The following KIRREL1 variants were observed in gnomAD, a reference collection of about 807,000 sequenced individuals.
The protein encoded by KIRREL1 is kin of IRRE-like protein 1.
Under a neutral mutation model 83.3 loss-of-function variants are expected in KIRREL1, and 25 were observed. That is an observed-to-expected ratio of 0.30 (90% CI 0.22 to 0.42). The LOEUF (loss-of-function observed/expected upper bound fraction) is 0.42. Ranked by LOEUF, KIRREL1 falls within the 10% of genes least tolerant of loss-of-function variation. The pLI is 1.00. For synonymous variants in KIRREL1, 388 were observed against 410.4 expected (o/e 0.95, Z 0.66); for missense variants, 812 against 1,032.3 (o/e 0.79, Z 2.92).
intron 1 of KIRREL1, among the ~76,000 whole-genome samples, chr1:158,050,567 GC>G (rs1387522948): frequency 6.6e-6 from 1 of 152,128 alleles, no homozygotes; most frequent in African/African-American, 2.4e-5. Context: ...GCCCATTAAA[GC>G]CAGAAGCCAC....
At chr1:158,079,032 G>A (rs1239970784) in intron 3 of KIRREL1, among the ~76,000 whole-genome samples, 1 of 151,918 alleles carries the variant, frequency 6.6e-6, no homozygotes, top group Admixed American at 6.6e-5. Flanking sequence ...CAGTCTTCCT[G>A]TTCTCTCCAG....
At chr1:158,089,217 A>G (rs1436998353) in intron 8 of KIRREL1, among the ~76,000 whole-genome samples, 2 of 152,216 alleles carry the variant, frequency 1.3e-5, no homozygotes, top group Non-Finnish European at 2.9e-5. Flanking sequence ...ACACTAGAAC[A>G]GATCATCAGA....
rs762450396 is a variant in KIRREL1 at position 158,095,117 on chromosome 1, G to A, written c.2271G>A (p.Val757=). ...QRFQQRMQTH[V] ...TCCAGCAGCGCATGCAGACTCACGT[G>A]TAGGGGCCAGAGCCTGGCTGGGGCA... is the stretch of plus-strand genomic sequence containing the variant. Residue 757 remains valine (V), a synonymous_variant, in exon 15 of 15, where the codon GTG becomes GTA. Coordinates refer to ENST00000359209, the MANE Select transcript of KIRREL1 (RefSeq NM_018240.7). The A allele has an allele frequency of 6.3e-7, 1 of 1,588,344 alleles. No individual in the cohort carries two copies. The highest frequency in any genetic ancestry group is 1.1e-5 in the South Asian group (1 of 88,122).
intron 11 of KIRREL1, among the ~76,000 whole-genome samples, chr1:158,092,939 G>T (rs1216164222): frequency 1.3e-5 from 2 of 151,866 alleles, no homozygotes; most frequent in Non-Finnish European, 2.9e-5. Flanking sequence ...AGTGGTGAAA[G>T]ATGTCGGAAC....
intron 1 of KIRREL1, among the ~76,000 whole-genome samples, chr1:157,995,914 G>A (rs1659185224): frequency 6.6e-6 from 1 of 152,000 alleles, no homozygotes; most frequent in Admixed American, 6.6e-5. Context: ...AGAGAGGGAA[G>A]GAGTAGGGGT....
intron 1 of KIRREL1, among the ~76,000 whole-genome samples, chr1:158,013,964 GC>G (rs1659755912): frequency 6.6e-6 from 1 of 152,174 alleles, no homozygotes; most frequent in African/African-American, 2.4e-5. Flanking sequence ...CCCTAGAGAT[GC>G]CCTTGTTTTT....
At chr1:158,069,248 G>C (rs576460531) in intron 1 of KIRREL1, among the ~76,000 whole-genome samples, 1 of 151,940 alleles carries the variant, frequency 6.6e-6, no homozygotes, top group Non-Finnish European at 1.5e-5. Context: ...GCTGGTAAAT[G>C]CATGCGCTTG....
At chr1:158,040,073 C>T (rs1260198076) in intron 1 of KIRREL1, among the ~76,000 whole-genome samples, 2 of 152,172 alleles carry the variant, frequency 1.3e-5, no homozygotes, top group Admixed American at 6.5e-5. Flanking sequence ...GCGTATTTTT[C>T]CTTTGCACAA....
At chr1:158,036,511 G>A (rs10430456) in intron 1 of KIRREL1, among the ~76,000 whole-genome samples, 10,011 of 152,282 alleles carry the variant, frequency 0.066, 384 homozygotes, top group South Asian at 0.21. Flanking sequence ...GAGAATGAGA[G>A]CAATTCGAGA....
intron 1 of KIRREL1, among the ~76,000 whole-genome samples, chr1:158,055,702 G>A (rs939480809): frequency 6.6e-6 from 1 of 152,114 alleles, no homozygotes; most frequent in Non-Finnish European, 1.5e-5. Context: ...GTCTCCTTCC[G>A]GGCACTGCAA....
intron 1 of KIRREL1, among the ~76,000 whole-genome samples, chr1:158,041,671 T>C (rs1443599203): frequency 6.6e-6 from 1 of 152,168 alleles, no homozygotes; most frequent in African/African-American, 2.4e-5. Context: ...ACCTCTCTCT[T>C]GAGATTCCTA....
At position 158,017,465 on chromosome 1, in the gene KIRREL1, G is replaced by A. The variant is rs936371353; in HGVS notation, c.52+23737G>A. Among the ~76,000 whole-genome samples the A allele has an allele frequency of 2.0e-5, 3 of 152,084 alleles. No individual in the cohort carries two copies. In the East Asian group the frequency reaches 5.8e-4, roughly 29 times the overall value. On this transcript the variant is annotated intron_variant, in intron 1 of 14. Coordinates refer to ENST00000359209, the MANE Select transcript of KIRREL1 (RefSeq NM_018240.7). ...CCAGCACTTTGGGAAGCTGAGGAGGGCGGATCACTTGAGGACAGGAGTTTG... is the reference window on the plus strand; with the variant it reads ...CCAGCACTTTGGGAAGCTGAGGAGGACGGATCACTTGAGGACAGGAGTTTG...
chr1:158,023,603 G>A (rs534903021), intron 1 of KIRREL1, among the ~76,000 whole-genome samples: 3 of 152,286 alleles, frequency 2.0e-5, no homozygotes, highest in Non-Finnish European at 2.9e-5. Flanking sequence ...CATGGAAAGA[G>A]CACAAGTAGG....
intron 1 of KIRREL1, among the ~76,000 whole-genome samples, chr1:158,031,899 C>T (rs1355544432): frequency 6.6e-6 from 1 of 152,092 alleles, no homozygotes; most frequent in Non-Finnish European, 1.5e-5. Context: ...GCCTGGGCAA[C>T]AGGGTTAGAA....
chr1:158,044,479 A>C (rs1030316220), intron 1 of KIRREL1, among the ~76,000 whole-genome samples: 5 of 152,162 alleles, frequency 3.3e-5, no homozygotes, highest in African/African-American at 1.2e-4. Flanking sequence ...TTAAAGTATT[A>C]GGCATTTTTT....
At chr1:158,035,106 TG>T (rs1272135173) in intron 1 of KIRREL1, among the ~76,000 whole-genome samples, 45 of 152,340 alleles carry the variant, frequency 3.0e-4, no homozygotes, top group African/African-American at 1.0e-3. Flanking sequence ...ATCTGGGAAT[TG>T]AAGCAGGAAC....
At chr1:158,059,525 A>C (rs1661154796) in intron 1 of KIRREL1, among the ~76,000 whole-genome samples, 1 of 152,144 alleles carries the variant, frequency 6.6e-6, no homozygotes, top group South Asian at 2.1e-4. Flanking sequence ...GCCTAGATGA[A>C]TTCTAACTGA....
rs1659822150 is a variant in KIRREL1 at position 158,016,259 on chromosome 1, G to A, written c.52+22531G>A. 2.0e-5 allele frequency among the ~76,000 whole-genome samples: 3 copies of A among 152,020 alleles called. 1 individual carries two copies. Among genetic ancestry groups the A allele is most frequent in the Admixed American group, 1.3e-4 (2 of 15,274 alleles). On this transcript the variant is annotated intron_variant, in intron 1 of 14. Transcript: ENST00000359209. The stretch of plus-strand genomic sequence containing the variant: ...GCAGAGCTTGCAGTGAGCCGAGATC[G>A]TGCCACTGTACTCTAGACTGGGGGA...
rs1662190053 is a variant in KIRREL1, at chr1:158,091,378, C to T, written c.1293C>T (p.Asn431=). ...PDRIAWAWKE[N]FLEVGTLERY... Reference sequence around the variant, plus strand: ...CACAGGCATGGGCCTGGAAGGAGAACTTCTTGGAGGTGGGGACCCTGGAAC... The same window carrying T: ...CACAGGCATGGGCCTGGAAGGAGAATTTCTTGGAGGTGGGGACCCTGGAAC... Residue 431 remains asparagine (N), a synonymous_variant, in exon 11 of 15, where the codon AAC becomes AAT. Coordinates refer to ENST00000359209, the MANE Select transcript of KIRREL1 (RefSeq NM_018240.7). 6.2e-7 allele frequency: 1 copy of T among 1,613,946 alleles called. No homozygotes were observed. The highest frequency in any genetic ancestry group is 8.5e-7 in the Non-Finnish European group (1 of 1,180,000).
Sources: allele counts gnomAD v4.1 joint callset (sites outside exome capture counted in the v4.1 genomes callset), GRCh38; gene constraint gnomAD v4.1.1; transcripts MANE v1.5; gene names NCBI Gene and HGNC (gene_info 2026-07-23, HGNC 2026-07-21).